SPINK1: variants seen among roughly 807,000 people sequenced by gnomAD.
SPINK1 encodes serine peptidase inhibitor Kazal type 1, also known as serine protease inhibitor Kazal-type 1.
In SPINK1, 5 loss-of-function variants were observed where a neutral mutation model predicts 9.5. The observed-to-expected ratio is 0.52, with a 90% CI of 0.27 to 1.10. The LOEUF is 1.10. Among genes scored for constraint, SPINK1 ranks in the 50% least tolerant of loss-of-function variants. The pLI is 0.11. For missense variants in SPINK1, 88 were observed against 92.7 expected, an observed-to-expected ratio of 0.95 and a Z score of 0.21; for synonymous variants, 37 against 32.3, an observed-to-expected ratio of 1.14 and a Z score of -0.49.
upstream of SPINK1, among the ~76,000 whole-genome samples, chr5:147,836,110 T>C (rs1756590748): frequency 6.6e-6 from 1 of 152,110 alleles, no homozygotes; most frequent in Admixed American, 6.6e-5. Context: ...CTCCTCATCA[T>C]TATCATTATA....
chr5:147,832,058 ATTC>A (rs1024620646), upstream of SPINK1, among the ~76,000 whole-genome samples: 11 of 152,114 alleles, frequency 7.2e-5, no homozygotes, highest in African/African-American at 2.7e-4. Context: ...TTCCTTTCTT[ATTC>A]TTCTTTCTCT....
At chr5:147,827,610 T>G (rs1756431385) in intron 3 of SPINK1, 1 of 176,352 alleles carries the variant, frequency 5.7e-6, no homozygotes, top group Non-Finnish European at 1.2e-5. Context: ...CACCTACTTA[T>G]GGTCACTGAG....
At chr5:147,833,337 C>G (rs1756541533), upstream of SPINK1, among the ~76,000 whole-genome samples, 1 of 152,072 alleles carries the variant, frequency 6.6e-6, no homozygotes, top group African/African-American at 2.4e-5. Flanking sequence ...CAAAGGGAAG[C>G]TTTGGAAGTG....
At chr5:147,827,472 C>T (rs1359543072) in intron 3 of SPINK1, 5 of 154,192 alleles carry the variant, frequency 3.2e-5, no homozygotes, top group African/African-American at 1.2e-4. Flanking sequence ...TATACATGCT[C>T]ATGATGTTTT....
chr5:147,827,837 T>C (rs1402145759), intron 3 of SPINK1, 185 bp downstream of exon 3: 12 of 525,224 alleles, frequency 2.3e-5, no homozygotes, highest in South Asian at 8.0e-5. Context: ...GCTTTTATCA[T>C]ACAAGTGACT....
chr5:147,827,846 C>T, intron 3 of SPINK1, 176 bp downstream of exon 3: 1 of 535,548 alleles, frequency 1.9e-6, no homozygotes, highest in South Asian at 2.6e-5. Context: ...ATACAAGTGA[C>T]TTCTAAAAAA....
intron 3 of SPINK1, among the ~76,000 whole-genome samples, chr5:147,826,729 T>A (rs1756410721): frequency 6.6e-6 from 1 of 152,220 alleles, no homozygotes. Context: ...CAAAGTAGAA[T>A]ACCTAATGTT....
At chr5:147,829,866 G>A (rs992047804) in intron 1 of SPINK1, among the ~76,000 whole-genome samples, 7 of 152,204 alleles carry the variant, frequency 4.6e-5, no homozygotes, top group African/African-American at 9.6e-5. Flanking sequence ...AAAGTATCTC[G>A]ATTTGATGTT....
Position 147,828,139 on chromosome 5 carries a change from A to T in SPINK1, c.88-11T>A, listed in dbSNP as rs1489953404. Reference sequence around the variant, plus strand: ...ATTGTAACATTTGGCCTAAAAATGGAATTAAACAGAATCATTTCCCATTAT... The same window carrying T: ...ATTGTAACATTTGGCCTAAAAATGGTATTAAACAGAATCATTTCCCATTAT... On this transcript the variant is annotated splice_polypyrimidine_tract_variant and intron_variant, in intron 2 of 3. Transcript: ENST00000296695. 1.9e-5 allele frequency: 30 copies of T among 1,586,646 alleles called. No individual in the cohort carries two copies. In the Admixed American group the frequency reaches 4.8e-4, roughly 26 times the overall value.
At chr5:147,837,708 TCTTTC>T in the SPINK1 span, among the ~76,000 whole-genome samples, 3 of 146,604 alleles carry the variant, frequency 2.0e-5, no homozygotes, top group South Asian at 2.2e-4. Flanking sequence ...TTTCTTTCTT[TCTTTC>T]TTTTTTGGGA....
chr5:147,826,326 T>A (rs949607683), intron 3 of SPINK1, among the ~76,000 whole-genome samples: 15 of 152,322 alleles, frequency 9.8e-5, no homozygotes, highest in Admixed American at 9.2e-4. Context: ...GGAAATATGT[T>A]GTATTTGAGA....
chr5:147,837,667 T>TTCTTTCTTTCTG, the SPINK1 span, among the ~76,000 whole-genome samples: 1 of 138,504 alleles, frequency 7.2e-6, no homozygotes, highest in East Asian at 2.3e-4. Context: ...CTTTCTTTCT[T>TTCTTTCTTTCTG]TCTTTCTTTC....
chr5:147,834,280 C>G (rs1305077900), upstream of SPINK1, among the ~76,000 whole-genome samples: 1 of 151,980 alleles, frequency 6.6e-6, no homozygotes, highest in Admixed American at 6.6e-5. Flanking sequence ...TTCTGAAGAC[C>G]AAGGTTTATG....
At position 147,831,614 on chromosome 5, in the gene SPINK1, G is replaced by T; in HGVS notation, c.-37C>A. The stretch of plus-strand genomic sequence containing the variant: ...TGCGTCCAGAGGTCAGTTGAAAACT[G>T]CACCGCACTTACCACGTCTCTTCAG... On this transcript the variant is annotated 5_prime_UTR_variant, in exon 1 of 4. Transcript: ENST00000296695. 6.2e-7 allele frequency: 1 copy of T among 1,611,770 alleles called. No homozygotes were observed. The highest frequency in any genetic ancestry group is 1.3e-5 in the African/African-American group (1 of 74,990).
intron 2 of SPINK1, among the ~76,000 whole-genome samples, chr5:147,829,320 A>C (rs1209111013): frequency 6.6e-6 from 1 of 152,182 alleles, no homozygotes; most frequent in Non-Finnish European, 1.5e-5. Flanking sequence ...CTTCCACCCC[A>C]AATACTTGTC....
upstream of SPINK1, among the ~76,000 whole-genome samples, chr5:147,833,978 G>T (rs963428753): frequency 6.6e-6 from 1 of 152,052 alleles, no homozygotes; most frequent in Admixed American, 6.6e-5. Context: ...ACCTTCTAAG[G>T]TTAAAAGGTT....
chr5:147,829,504 C>A, intron 2 of SPINK1, 95 bp downstream of exon 2: 5 of 1,237,882 alleles, frequency 4.0e-6, no homozygotes, highest in African/African-American at 1.5e-5. Context: ...CTCCTCTTAA[C>A]TTCAGGCTAA....
upstream of SPINK1, among the ~76,000 whole-genome samples, chr5:147,833,134 G>A (rs985626730): frequency 6.6e-6 from 1 of 152,110 alleles, no homozygotes; most frequent in Non-Finnish European, 1.5e-5. Flanking sequence ...TTATTCCAAG[G>A]ATGTGCATTC....
chr5:147,834,304 T>C (rs987853157), upstream of SPINK1, among the ~76,000 whole-genome samples: 1 of 152,202 alleles, frequency 6.6e-6, no homozygotes, highest in Non-Finnish European at 1.5e-5. Context: ...TGTTCACTTC[T>C]GTGTCTCCGG....
Sources: allele counts gnomAD v4.1 joint callset (sites outside exome capture counted in the v4.1 genomes callset), GRCh38; gene constraint gnomAD v4.1.1; transcripts MANE v1.5; gene names NCBI Gene and HGNC (gene_info 2026-07-23, HGNC 2026-07-21).